PNPLA7: variants seen among roughly 807,000 people sequenced by gnomAD.
The protein encoded by PNPLA7 is patatin-like phospholipase domain-containing protein 7.
PNPLA7 carries 153 observed loss-of-function variants against 161.7 expected under a neutral mutation model. That is an observed-to-expected ratio of 0.95 (90% CI 0.83 to 1.08). The LOEUF (loss-of-function observed/expected upper bound fraction) is 1.08. Ranked by LOEUF, PNPLA7 falls within the 50% of genes least tolerant of loss-of-function variation. The pLI is 0.00. For missense variants in PNPLA7, 1,739 were observed against 1,856.6 expected (o/e 0.94, Z 1.16); for synonymous variants, 809 against 782.1 (o/e 1.03, Z -0.57).
chr9:137,542,650 G>A lies in PNPLA7; in HGVS notation c.658C>T (p.Gln220Ter), dbSNP rs1836269284. The change falls in exon 7 of 35, where the codon CAG becomes TAG. Residue 220 changes from glutamine (Q) to a stop codon, truncating the protein, a stop_gained. Transcript: ENST00000406427. LOFTEE classifies it high-confidence loss of function. ...GCCGCCCTGCGACTCACAGTGTCCT[G>A]GATGCAGACCTCCAGCCGCCCGTCC... ...VQDGRLEVCI[Q>*]DTDGTEVVVK... 23 of 1,607,886 alleles carry A rather than the reference G, an allele frequency of 1.4e-5. No individual in the cohort carries two copies. Among genetic ancestry groups the A allele is most frequent in the Non-Finnish European group, 2.0e-5 (23 of 1,176,634 alleles).
Position 137,476,663 on chromosome 9 carries a change from C to A in PNPLA7, c.2882+1371G>T, listed in dbSNP as rs1423861845. ...GACTGCAGTTACGTGCCTTACAGAA[C>A]CGTATGGCTTCTAAGTATTACCTTG... is the stretch of plus-strand genomic sequence containing the variant. On this transcript the variant is annotated intron_variant, in intron 25 of 34. Coordinates refer to ENST00000406427, the MANE Select transcript of PNPLA7 (RefSeq NM_001098537.3). This position sits in a 1 kb window ranked among gnomAD's most constrained non-coding sequence, Gnocchi z 4.5. Among the ~76,000 whole-genome samples, 1 of 152,152 alleles carries A rather than the reference C, an allele frequency of 6.6e-6. No homozygotes were observed. The highest frequency in any genetic ancestry group is 2.4e-5 in the African/African-American group (1 of 41,434).
chr9:137,461,103 G>A (rs1020149449), intron 33 of PNPLA7: 9 of 343,542 alleles, frequency 2.6e-5, no homozygotes, highest in South Asian at 6.7e-5. Context: ...CGTCTCCCAG[G>A]AGAATGTCCA....
At position 137,532,526 on chromosome 9, in the gene PNPLA7, C is replaced by T. The variant is rs192720824; in HGVS notation, c.747+8116G>A. ...CTCTGCTCTCTTAAAAAGATACAAA[C>T]CTCCAAGGATAAAGACAAAAGCTAA... On this transcript the variant is annotated intron_variant, in intron 8 of 34. Transcript: ENST00000406427. Among the ~76,000 whole-genome samples the T allele has an allele frequency of 3.8e-4, 58 of 152,316 alleles. No individual in the cohort carries two copies. In the East Asian group the frequency reaches 9.6e-3, roughly 25 times the overall value.
At chr9:137,487,354 C>T (rs1359219953) in intron 20 of PNPLA7, among the ~76,000 whole-genome samples, 1 of 152,232 alleles carries the variant, frequency 6.6e-6, no homozygotes, top group Non-Finnish European at 1.5e-5. Context: ...CTGAGTGGCC[C>T]AAAGTGCCGG....
Position 137,520,842 on chromosome 9 carries a change from G to T in PNPLA7, c.957+794C>A, listed in dbSNP as rs1176211196. On this transcript the variant is annotated intron_variant, in intron 10 of 34. Coordinates refer to ENST00000406427, the MANE Select transcript of PNPLA7 (RefSeq NM_001098537.3). The surrounding 1 kb of genome is among the most constrained non-coding windows in gnomAD (Gnocchi z 5.2). ...CGCGTCACAGTTCAGGGTCAGCTCC[G>T]CCCCACCCGGTTCAGATAGGAGGAG... is the stretch of plus-strand genomic sequence containing the variant. Among the ~76,000 whole-genome samples the T allele has an allele frequency of 6.6e-6, 1 of 152,242 alleles. No homozygotes were observed. The highest frequency in any genetic ancestry group is 1.5e-5 in the Non-Finnish European group (1 of 68,042).
At chr9:137,471,393 GT>G in intron 25 of PNPLA7, among the ~76,000 whole-genome samples, 1 of 152,234 alleles carries the variant, frequency 6.6e-6, no homozygotes, top group African/African-American at 2.4e-5. Flanking sequence ...GAGATCAGGA[GT>G]TCAAGACCAG....
At position 137,503,948 on chromosome 9, in the gene PNPLA7, TGAA is replaced by T. The variant is rs1564325464; in HGVS notation, c.1473+1663_1473+1665del. Among the ~76,000 whole-genome samples the T allele has an allele frequency of 1.1e-3, 37 of 32,566 alleles. No individual in the cohort carries two copies. The East Asian group carries it at 0.016, about 14-fold the overall frequency. 21.4% of individuals were successfully genotyped at this position (32,566 alleles called of 152,430 possible). A position where few individuals can be genotyped will look rare whatever the true frequency, so the allele number is the denominator to read the frequency against. On this transcript the variant is annotated intron_variant, in intron 14 of 34. Coordinates refer to ENST00000406427, the MANE Select transcript of PNPLA7 (RefSeq NM_001098537.3). ...AAGAAGGAAGAAGAAGAAGGAAGAA[TGAA>T]GAAGAAGGAAGAAGGAAGAAGAAGA...
At chr9:137,473,088 A>G (rs911308440) in intron 25 of PNPLA7, among the ~76,000 whole-genome samples, 2 of 152,160 alleles carry the variant, frequency 1.3e-5, no homozygotes, top group Non-Finnish European at 2.9e-5. Flanking sequence ...TGTGCAGGGG[A>G]GCTGCCCTTT....
At chr9:137,503,287 G>C (rs1040309922) in intron 14 of PNPLA7, among the ~76,000 whole-genome samples, 4 of 152,078 alleles carry the variant, frequency 2.6e-5, no homozygotes, top group Admixed American at 2.6e-4. Flanking sequence ...AGGCTGAGGT[G>C]GGAGGATCAC....
intron 25 of PNPLA7, among the ~76,000 whole-genome samples, chr9:137,469,132 A>G (rs1831604694): frequency 6.6e-6 from 1 of 152,246 alleles, no homozygotes; most frequent in Admixed American, 6.5e-5. Context: ...TGAAAATTCT[A>G]GAAGTGAAAA....
chr9:137,501,608 G>A, intron 15 of PNPLA7, 42 bp downstream of exon 15: 1 of 1,577,968 alleles, frequency 6.3e-7, no homozygotes, highest in Non-Finnish European at 8.7e-7. Flanking sequence ...CTGGGCTATG[G>A]CATTGGGTGG....
chr9:137,461,464 G>T, intron 33 of PNPLA7, 72 bp downstream of exon 33: 2 of 1,459,670 alleles, frequency 1.4e-6, no homozygotes, highest in South Asian at 1.3e-5. Context: ...TCTGGGGTGG[G>T]GGGGTTCAAG....
intron 20 of PNPLA7, among the ~76,000 whole-genome samples, chr9:137,492,577 A>T: frequency 2.0e-4 from 1 of 5,072 alleles, no homozygotes; most frequent in Non-Finnish European, 3.6e-4. Flanking sequence ...AGCACAGGGC[A>T]GGGCCGTGGG....
At chr9:137,550,045 C>T in intron 1 of PNPLA7, 123 bp downstream of exon 1, 1 of 1,197,504 alleles carries the variant, frequency 8.4e-7, no homozygotes, top group South Asian at 1.2e-5. Context: ...CCACAGTCCT[C>T]AGGCGCCAAG....
chr9:137,548,898 TCAGGA>T (rs1460427745), intron 1 of PNPLA7, among the ~76,000 whole-genome samples: 1 of 152,132 alleles, frequency 6.6e-6, no homozygotes, highest in Non-Finnish European at 1.5e-5. Flanking sequence ...AGCTTCTGCT[TCAGGA>T]CAGGGGAACC....
chr9:137,464,808 G>C (rs533034317), intron 26 of PNPLA7: 97 of 294,546 alleles, frequency 3.3e-4, no homozygotes, highest in African/African-American at 2.0e-3. Context: ...GTGGCTGGAG[G>C]GTCAGCGAGG....
chr9:137,549,525 G>C (rs538544028), intron 1 of PNPLA7, among the ~76,000 whole-genome samples: 5 of 147,822 alleles, frequency 3.4e-5, no homozygotes, highest in Middle Eastern at 3.5e-3. Context: ...AGTTGAGATC[G>C]TGCCACTGCA....
In PNPLA7 at chr9:137,467,197, A is replaced by C; in HGVS notation, c.3039+120T>G. Reference sequence around the variant, plus strand: ...GCTGCACTGGGAGGCTTCAGGGGGTAGCCTCCTCGAGGGCAGGGCCCTGCA... The same window carrying C: ...GCTGCACTGGGAGGCTTCAGGGGGTCGCCTCCTCGAGGGCAGGGCCCTGCA... On this transcript the variant is annotated intron_variant, in intron 26 of 34. Coordinates refer to ENST00000406427, the MANE Select transcript of PNPLA7 (RefSeq NM_001098537.3). This position sits in a 1 kb window ranked among gnomAD's most constrained non-coding sequence, Gnocchi z 5.1. The C allele has an allele frequency of 7.5e-7, 1 of 1,338,024 alleles. No homozygotes were observed. 82.9% of individuals were successfully genotyped at this position (1,338,024 alleles called of 1,614,324 possible). A position where few individuals can be genotyped will look rare whatever the true frequency, so the allele number is the denominator to read the frequency against.
intron 14 of PNPLA7, among the ~76,000 whole-genome samples, chr9:137,502,065 C>A (rs1833458517): frequency 6.6e-6 from 1 of 152,242 alleles, no homozygotes; most frequent in South Asian, 2.1e-4. Context: ...GTGGTGCTGG[C>A]ATAGCCAGCA....
Sources: allele counts gnomAD v4.1 joint callset (sites outside exome capture counted in the v4.1 genomes callset), GRCh38; gene constraint gnomAD v4.1.1; non-coding constraint Gnocchi (gnomAD v3.1); transcripts MANE v1.5; gene names NCBI Gene and HGNC (gene_info 2026-07-23, HGNC 2026-07-21).